SEC23A: variants seen among roughly 807,000 people sequenced by gnomAD.
SEC23A encodes the protein protein transport protein Sec23A.
SEC23A carries 56 observed loss-of-function variants against 103.7 expected under a neutral mutation model. The observed-to-expected ratio is 0.54, with a 90% CI of 0.44 to 0.67. The LOEUF (loss-of-function observed/expected upper bound fraction) is 0.67. Among genes scored for constraint, SEC23A ranks in the 30% least tolerant of loss-of-function variants. The probability of loss-of-function intolerance (pLI) is 0.00; values close to 1 mark genes in which losing one functional copy is unlikely to be tolerated. For synonymous variants in SEC23A, 281 were observed against 293.0 expected (o/e 0.96, Z 0.42); for missense variants, 784 against 936.4 (o/e 0.84, Z 2.12).
At chr14:39,092,284 A>C (rs1429547786) in intron 4 of SEC23A, among the ~76,000 whole-genome samples, 3 of 152,230 alleles carry the variant, frequency 2.0e-5, no homozygotes, top group African/African-American at 7.2e-5. Context: ...ACTACAAAGC[A>C]AGATTTATAC....
At chr14:39,093,097 G>C (rs761257189) in intron 3 of SEC23A, 90 bp downstream of exon 3, 1 of 987,784 alleles carries the variant, frequency 1.0e-6, no homozygotes, top group Non-Finnish European at 1.6e-6. Flanking sequence ...TCAATCTCCT[G>C]ACCTCGTGAT....
At position 39,091,587 on chromosome 14, in the gene SEC23A, C is replaced by G; in HGVS notation, c.493G>C (p.Gly165Arg). 2 of 1,613,914 alleles carry G rather than the reference C, an allele frequency of 1.2e-6. No homozygotes were observed. The highest frequency in any genetic ancestry group is 1.7e-6 in the Non-Finnish European group (2 of 1,179,902). ...ACCATTCTCCCAAAAGTAATAAGTCCAACCAAAGCTGTAGGTGGTAAAAGA... is the reference window on the plus strand; with the variant it reads ...ACCATTCTCCCAAAAGTAATAAGTCGAACCAAAGCTGTAGGTGGTAAAAGA... Reference protein sequence around the residue: ...LSLLPPTALVGLITFGRMVQV... With the variant: ...LSLLPPTALVRLITFGRMVQV... The change falls in exon 5 of 20, where the codon GGA becomes CGA. Residue 165 changes from glycine to arginine, a missense_variant. Gly to Arg is a moderately radical substitution (Grantham distance 125, BLOSUM62 -2). Around this residue, in one of 2 missense-constraint regions of SEC23A, gnomAD observed 683 missense variants for 774.2 expected, o/e 0.88. Coordinates refer to ENST00000307712, the MANE Select transcript of SEC23A (RefSeq NM_006364.4).
rs71130810 is a variant in SEC23A, at chr14:39,083,563, C to CTTTTTT, written c.828+2193_828+2198dup. 5.4e-5 allele frequency among the ~76,000 whole-genome samples: 5 copies of CTTTTTT among 91,816 alleles called. 1 individual carries two copies. Among genetic ancestry groups the CTTTTTT allele is most frequent in the East Asian group, 8.5e-4 (2 of 2,350 alleles). 60.2% of individuals were successfully genotyped at this position (91,816 alleles called of 152,430 possible). A position where few individuals can be genotyped will look rare whatever the true frequency, so the allele number is the denominator to read the frequency against. ...CCTCAGCCTTGGCAAAATAAACTTT[C>CTTTTTT]TTTTTTTTTTTTTTTTTGAGATGGA... On this transcript the variant is annotated intron_variant, in intron 7 of 19. Coordinates refer to ENST00000307712, the MANE Select transcript of SEC23A (RefSeq NM_006364.4).
chr14:39,053,216 T>C (rs1363205153), intron 14 of SEC23A, among the ~76,000 whole-genome samples: 1 of 152,202 alleles, frequency 6.6e-6, no homozygotes, highest in Non-Finnish European at 1.5e-5. Context: ...ACTGATGACA[T>C]GTCACATGAT....
chr14:39,089,537 G>A (rs1239439438), intron 5 of SEC23A, among the ~76,000 whole-genome samples: 1 of 152,062 alleles, frequency 6.6e-6, no homozygotes, highest in Non-Finnish European at 1.5e-5. Flanking sequence ...TCTCACTCTT[G>A]CTTTAACTCA....
rs1350768508 is a variant in SEC23A at position 39,055,195 on chromosome 14, G to A, written c.1607C>T (p.Thr536Ile). The A allele has an allele frequency of 3.1e-6, 5 of 1,614,032 alleles. No individual in the cohort carries two copies. The highest frequency in any genetic ancestry group is 4.2e-6 in the Non-Finnish European group (5 of 1,180,038). The stretch of plus-strand genomic sequence containing the variant: ...CCTAAGCACATCTGGACCTTCTTCT[G>A]TTTCTGCTCTATATATTGCTAGCCG... ...MARLAIYRAE[T>I]EEGPDVLRWL... Residue 536 changes from threonine to isoleucine, a missense_variant, in exon 14 of 20, where the codon ACA becomes ATA. Thr to Ile is a moderately conservative substitution (Grantham distance 89). Transcript: ENST00000307712.
At chr14:39,076,684 G>T (rs571962323) in intron 7 of SEC23A, among the ~76,000 whole-genome samples, 6 of 152,050 alleles carry the variant, frequency 3.9e-5, no homozygotes, top group Non-Finnish European at 7.4e-5. Context: ...CCAGCACTTT[G>T]GGAGGCTGAG....
intron 17 of SEC23A, among the ~76,000 whole-genome samples, 167 bp downstream of exon 17, chr14:39,042,619 T>C (rs1052769954): frequency 5.9e-5 from 9 of 152,216 alleles, no homozygotes; most frequent in African/African-American, 9.7e-5. Flanking sequence ...TCAACTGCAA[T>C]TGAAGCCTAA....
rs1266127648 is a variant in SEC23A at position 39,061,849 on chromosome 14, C to T, written c.1421G>A (p.Gly474Glu). ...VNQHNAPIPQ[G>E]GRGAIQFVTQ... ...CACAAACTGGATTGCACCACGCCCT[C>T]CTTGAGGAATTGGAGCATTATGCTG... The change falls in exon 13 of 20, where the codon GGA (glycine) becomes GAA (glutamate). Residue 474 changes from glycine (G) to glutamate (E), a missense_variant. Gly to Glu is a moderately conservative substitution (Grantham distance 98, BLOSUM62 -2). Around this residue, in one of 2 missense-constraint regions of SEC23A, gnomAD observed 683 missense variants for 774.2 expected, o/e 0.88. Coordinates refer to ENST00000307712, the MANE Select transcript of SEC23A (RefSeq NM_006364.4). 1.9e-6 allele frequency: 3 copies of T among 1,613,772 alleles called. No homozygotes were observed. Among genetic ancestry groups the T allele is most frequent in the Admixed American group, 1.7e-5 (1 of 60,022 alleles).
intron 14 of SEC23A, among the ~76,000 whole-genome samples, chr14:39,052,345 T>C (rs931012575): frequency 1.3e-5 from 2 of 151,808 alleles, no homozygotes; most frequent in Admixed American, 6.6e-5. Flanking sequence ...AATCTCAAAA[T>C]TGAGATGTGA....
intron 1 of SEC23A, among the ~76,000 whole-genome samples, chr14:39,100,364 C>T (rs1453484083): frequency 6.6e-6 from 1 of 151,956 alleles, no homozygotes; most frequent in African/African-American, 2.4e-5. Context: ...GGCTTAGTCC[C>T]ATGTCCGACA....
At chr14:39,101,295 A>G (rs902689096) in intron 1 of SEC23A, among the ~76,000 whole-genome samples, 5 of 152,188 alleles carry the variant, frequency 3.3e-5, no homozygotes, top group African/African-American at 1.2e-4. Context: ...TTAACCTAGT[A>G]TATCAAATAT....
At position 39,061,823 on chromosome 14, in the gene SEC23A, T is replaced by C. The variant is rs771499199; in HGVS notation, c.1447A>G (p.Thr483Ala). 6.2e-7 allele frequency: 1 copy of C among 1,613,994 alleles called. No individual in the cohort carries two copies. The highest frequency in any genetic ancestry group is 8.5e-7 in the Non-Finnish European group (1 of 1,179,918). ...TGCCCACTTGAATGCTGATACTGAG[T>C]CACAAACTGGATTGCACCACGCCCT... ...QGGRGAIQFV[T>A]QYQHSSGQRR... The change falls in exon 13 of 20, where the codon ACT becomes GCT. Residue 483 changes from threonine (T) to alanine (A), a missense_variant. Thr to Ala is a moderately conservative substitution (Grantham distance 58). This residue lies in a region of SEC23A where 683 missense variants were observed against 774.2 expected (regional missense o/e 0.88). Coordinates refer to ENST00000307712, the MANE Select transcript of SEC23A (RefSeq NM_006364.4).
intron 9 of SEC23A, among the ~76,000 whole-genome samples, chr14:39,072,916 T>C (rs932429361): frequency 6.6e-6 from 1 of 152,240 alleles, no homozygotes; most frequent in African/African-American, 2.4e-5. Flanking sequence ...GTACAGTTAC[T>C]TGGGAAAATC....
chr14:39,080,607 C>T (rs1950509), intron 7 of SEC23A, among the ~76,000 whole-genome samples: 140,757 of 152,152 alleles, frequency 0.93, 65,208 homozygotes, highest in East Asian at 0.97. Flanking sequence ...GATTTCACCA[C>T]GTTGGCCAGG....
intron 8 of SEC23A, among the ~76,000 whole-genome samples, chr14:39,074,827 G>T (rs901173973): frequency 3.9e-5 from 6 of 152,178 alleles, no homozygotes; most frequent in Non-Finnish European, 7.3e-5. Flanking sequence ...AAAACAACAG[G>T]CTGGGCGTGG....
intron 4 of SEC23A, 103 bp from the exon 5 acceptor site, chr14:39,091,816 G>C (rs1887673454): frequency 3.8e-6 from 3 of 794,266 alleles, no homozygotes; most frequent in Non-Finnish European, 6.5e-6. Flanking sequence ...AAGAATCCTA[G>C]TAAAGCCATT....
intron 14 of SEC23A, among the ~76,000 whole-genome samples, chr14:39,052,360 A>G (rs1886096665): frequency 6.6e-6 from 1 of 152,254 alleles, no homozygotes; most frequent in Admixed American, 6.5e-5. Context: ...ATGTGAGATA[A>G]AAGATATAAA....
intron 7 of SEC23A, among the ~76,000 whole-genome samples, chr14:39,077,227 CAAAAAAA>C (rs57549556): frequency 3.8e-4 from 14 of 36,478 alleles, no homozygotes; most frequent in South Asian, 3.5e-3. Context: ...GACTCCATCT[CAAAAAAA>C]AAAAAAAAAA....
Sources: gnomAD v4.1 joint callset for allele counts (sites outside exome capture counted in the v4.1 genomes callset) on GRCh38, gnomAD v4.1.1 for gene constraint, gnomAD v4.1.1 regional missense constraint, MANE v1.5 for transcripts, NCBI Gene and HGNC (gene_info 2026-07-23, HGNC 2026-07-21) for gene names.